Variants in DLGAP1 observed in about 807,000 individuals in gnomAD.
DLGAP1 encodes the protein DLG associated protein 1.
DLGAP1 carries 11 observed loss-of-function variants against 90.8 expected under a neutral mutation model. That is an observed-to-expected ratio of 0.12 (90% CI 0.08 to 0.20). The LOEUF is 0.20. Ranked by LOEUF, DLGAP1 falls within the 10% of genes least tolerant of loss-of-function variation. The probability of loss-of-function intolerance (pLI) is 1.00; values close to 1 mark genes in which losing one functional copy is unlikely to be tolerated. For synonymous variants in DLGAP1, 558 were observed against 540.7 expected (o/e 1.03, Z -0.44); for missense variants, 1,050 against 1,333.8 (o/e 0.79, Z 3.31).
At chr18:3,958,928 T>C (rs2073137827) in intron 3 of DLGAP1, among the ~76,000 whole-genome samples, 1 of 152,208 alleles carries the variant, frequency 6.6e-6, no homozygotes, top group African/African-American at 2.4e-5. Flanking sequence ...GGCTTCTAGT[T>C]ATCTTATTCT....
At chr18:3,575,920 A>G (rs1250659834) in intron 8 of DLGAP1, among the ~76,000 whole-genome samples, 2 of 152,184 alleles carry the variant, frequency 1.3e-5, no homozygotes, top group Admixed American at 6.5e-5. Context: ...CCATAAGAAC[A>G]TAGGAATCAA....
At chr18:3,746,371 G>C (rs1473171527) in intron 5 of DLGAP1, among the ~76,000 whole-genome samples, 1 of 151,988 alleles carries the variant, frequency 6.6e-6, no homozygotes, top group African/African-American at 2.4e-5. Context: ...AGGCAATAAA[G>C]AAGGCCTAAA....
At chr18:4,097,260 C>A (rs115215479) in intron 2 of DLGAP1, among the ~76,000 whole-genome samples, 110 of 152,350 alleles carry the variant, frequency 7.2e-4, no homozygotes, top group African/African-American at 2.5e-3. Context: ...CTGATTGTTT[C>A]CTTGAACTTG....
At chr18:3,755,696 A>T (rs1027913963) in intron 5 of DLGAP1, among the ~76,000 whole-genome samples, 2 of 152,232 alleles carry the variant, frequency 1.3e-5, no homozygotes, top group South Asian at 4.1e-4. Context: ...AATTGAAGGT[A>T]TAAATGAATA....
Position 3,729,126 on chromosome 18 carries a change from C to T in DLGAP1, c.1591+9G>A, listed in dbSNP as rs764737500. ...AGGGGCCAGGCTGGCTGAGGGCCCG[C>T]GCACTCACCCGTGCTGCTCTGGATG... On this transcript the variant is annotated intron_variant, in intron 7 of 12. Coordinates refer to ENST00000315677, the MANE Select transcript of DLGAP1 (RefSeq NM_004746.4). This position sits in a 1 kb window ranked among gnomAD's most constrained non-coding sequence, Gnocchi z 6.2. 9 of 1,598,126 alleles carry T rather than the reference C, an allele frequency of 5.6e-6. No homozygotes were observed. In the East Asian group the frequency reaches 9.0e-5, roughly 16 times the overall value.
chr18:3,538,537 A>G (rs2052512208), intron 9 of DLGAP1, among the ~76,000 whole-genome samples: 1 of 152,182 alleles, frequency 6.6e-6, no homozygotes, highest in African/African-American at 2.4e-5. Flanking sequence ...CTATTTCTGC[A>G]TTCTTCCCGT....
chr18:3,610,738 C>T (rs1394136682), intron 7 of DLGAP1, among the ~76,000 whole-genome samples: 1 of 151,972 alleles, frequency 6.6e-6, no homozygotes, highest in Non-Finnish European at 1.5e-5. Flanking sequence ...ACTTGGGAGG[C>T]TGAGGCAGGA....
rs376987691 is a variant in DLGAP1, at chr18:3,740,866, C to T, written c.1350+1469G>A. Among the ~76,000 whole-genome samples the T allele has an allele frequency of 1.1e-3, 158 of 149,358 alleles. 1 individual carries two copies. The highest frequency in any genetic ancestry group is 3.5e-3 in the African/African-American group (142 of 40,436). Reference sequence around the variant, plus strand: ...TCACCACCACCATCACGACCACCACCGCCACCACCGTCACCATCACAACCA... The same window carrying T: ...TCACCACCACCATCACGACCACCACTGCCACCACCGTCACCATCACAACCA... On this transcript the variant is annotated intron_variant, in intron 6 of 12. Transcript: ENST00000315677.
intron 4 of DLGAP1, among the ~76,000 whole-genome samples, chr18:3,872,583 T>C (rs1679067826): frequency 6.6e-6 from 1 of 152,126 alleles, no homozygotes; most frequent in Non-Finnish European, 1.5e-5. Context: ...GTGGAAAACA[T>C]AATCTAATTA....
intron 3 of DLGAP1, among the ~76,000 whole-genome samples, chr18:3,929,550 G>T (rs1012132026): frequency 2.0e-5 from 3 of 152,154 alleles, no homozygotes; most frequent in Admixed American, 6.5e-5. Flanking sequence ...ATAACCTTCA[G>T]CAGGCAACAG....
At chr18:3,539,232 G>T (rs1365263457) in intron 9 of DLGAP1, among the ~76,000 whole-genome samples, 1 of 152,168 alleles carries the variant, frequency 6.6e-6, no homozygotes, top group Non-Finnish European at 1.5e-5. Context: ...CACAAAATGA[G>T]GTCCCTAGAT....
rs1042925826 is a variant in DLGAP1 at position 4,095,350 on chromosome 18, A to AG, written c.-159+55829dup. 2.1e-4 allele frequency among the ~76,000 whole-genome samples: 32 copies of AG among 152,270 alleles called. 2 individuals carry two copies. Among genetic ancestry groups the AG allele is most frequent in the Admixed American group, 8.5e-4 (13 of 15,296 alleles). On this transcript the variant is annotated intron_variant, in intron 2 of 12. Coordinates refer to ENST00000315677, the MANE Select transcript of DLGAP1 (RefSeq NM_004746.4). ...ACTTGGCTGAGAGGGAGATTTATAG[A>AG]GGGGAAAAGCTTAGGCTTGGATGCT...
In DLGAP1 at chr18:4,172,444, G is replaced by A. The variant is rs148562584; in HGVS notation, c.-266-21157C>T. On this transcript the variant is annotated intron_variant, in intron 1 of 12. Coordinates refer to ENST00000315677, the MANE Select transcript of DLGAP1 (RefSeq NM_004746.4). Reference sequence around the variant, plus strand: ...TATATCACCATTTAGTCTTGCATGCGCGTGAATACATGCATGATTCCTATA... The same window carrying A: ...TATATCACCATTTAGTCTTGCATGCACGTGAATACATGCATGATTCCTATA... Among the ~76,000 whole-genome samples the A allele has an allele frequency of 7.2e-5, 11 of 152,220 alleles. No homozygotes were observed. In the East Asian group the frequency reaches 1.4e-3, roughly 19 times the overall value.
chr18:3,689,447 AT>A (rs1186525262), intron 7 of DLGAP1, among the ~76,000 whole-genome samples: 1 of 152,330 alleles, frequency 6.6e-6, no homozygotes, highest in African/African-American at 2.4e-5. Context: ...TGTCTGAAAA[AT>A]AATCTCTAGC....
chr18:4,231,560 C>A (rs1468317692), intron 1 of DLGAP1, among the ~76,000 whole-genome samples: 1 of 152,172 alleles, frequency 6.6e-6, no homozygotes, highest in Non-Finnish European at 1.5e-5. Flanking sequence ...ACTGTGTGAT[C>A]TCTCTGTTAG....
intron 10 of DLGAP1, among the ~76,000 whole-genome samples, chr18:3,533,242 G>A (rs1037901474): frequency 1.3e-5 from 2 of 152,202 alleles, no homozygotes; most frequent in Admixed American, 1.3e-4. Context: ...TGAGGAGTGA[G>A]GCCCTGTCTG....
intron 1 of DLGAP1, among the ~76,000 whole-genome samples, chr18:4,236,892 G>C (rs1450991922): frequency 6.6e-6 from 1 of 152,118 alleles, no homozygotes; most frequent in Non-Finnish European, 1.5e-5. Flanking sequence ...CAGTTAAAGA[G>C]ATGTGCTTCG....
At chr18:4,444,431 C>A (rs916837411) in intron 1 of DLGAP1, among the ~76,000 whole-genome samples, 1 of 152,078 alleles carries the variant, frequency 6.6e-6, no homozygotes, top group Non-Finnish European at 1.5e-5. Context: ...CCATATCAGG[C>A]AGGACTGGGC....
rs116140810 is a variant in DLGAP1, at chr18:4,055,264, G to A, written c.-158-50063C>T. On this transcript the variant is annotated intron_variant, in intron 2 of 12. Coordinates refer to ENST00000315677, the MANE Select transcript of DLGAP1 (RefSeq NM_004746.4). ...GACTGGGGACTCTGTGGGCTCTCCTGATGTATCTTTTTCATTTGTTTAACT... is the reference window on the plus strand; with the variant it reads ...GACTGGGGACTCTGTGGGCTCTCCTAATGTATCTTTTTCATTTGTTTAACT... 4.6e-3 allele frequency among the ~76,000 whole-genome samples: 694 copies of A among 152,262 alleles called. 7 individuals carry two copies. The highest frequency in any genetic ancestry group is 0.016 in the African/African-American group (671 of 41,552).
Sources: gnomAD v4.1 joint callset for allele counts (sites outside exome capture counted in the v4.1 genomes callset) on GRCh38, gnomAD v4.1.1 for gene constraint, Gnocchi (gnomAD v3.1) non-coding constraint, MANE v1.5 for transcripts, NCBI Gene and HGNC (gene_info 2026-07-23, HGNC 2026-07-21) for gene names.